Variants in SPATA31H1 observed in about 807,000 individuals in gnomAD.
SPATA31H1 encodes spermatogenesis-associated protein 31H1.
chr2:27,554,837 G>A, the SPATA31H1 span, among the ~76,000 whole-genome samples: 1 of 152,012 alleles, frequency 6.6e-6, no homozygotes, highest in Admixed American at 6.5e-5. Flanking sequence ...GCTTCCCAAA[G>A]TGCTGGGATT....
At chr2:27,566,280 T>C in the SPATA31H1 span, 4 of 717,142 alleles carry the variant, frequency 5.6e-6, no homozygotes, top group African/African-American at 1.7e-5. Context: ...CATACACTGT[T>C]GCATCCAGTG....
chr2:27,558,919 GAGGGGGAGGGAGAGGGAGAGGGA>G, the SPATA31H1 span, among the ~76,000 whole-genome samples: 1 of 93,988 alleles, frequency 1.1e-5, no homozygotes, highest in African/African-American at 4.5e-5. Context: ...GAGGGAGAGG[GAGGGGGAGGGAGAGGGAGAGGGA>G]GAGGGAGAGG....
the SPATA31H1 span, chr2:27,576,213 G>A: frequency 9.9e-6 from 4 of 405,308 alleles, 1 homozygote. Context: ...GTTGCATCCA[G>A]GGCCAGAGCT....
At chr2:27,542,200 C>G in the SPATA31H1 span, among the ~76,000 whole-genome samples, 1 of 151,990 alleles carries the variant, frequency 6.6e-6, no homozygotes, top group Admixed American at 6.5e-5. Context: ...AGTTCGAGAC[C>G]AGCCTGGCAA....
chr2:27,570,366 G>A, the SPATA31H1 span: 6 of 398,712 alleles, frequency 1.5e-5, no homozygotes, highest in Non-Finnish European at 2.7e-5. Flanking sequence ...AGTAAACCTA[G>A]GGCCATGGCA....
chr2:27,554,546 T>C, the SPATA31H1 span, among the ~76,000 whole-genome samples: 2 of 150,644 alleles, frequency 1.3e-5, no homozygotes, highest in South Asian at 4.2e-4. Context: ...GTGGAAAGAC[T>C]GAGAGATATC....
At chr2:27,580,774 T>TACC in the SPATA31H1 span, 4 of 1,614,168 alleles carry the variant, frequency 2.5e-6, no homozygotes, top group South Asian at 3.3e-5. Flanking sequence ...GACTATTGCT[T>TACC]ACCAAGCAGT....
chr2:27,580,246 C>G, the SPATA31H1 span: 15 of 1,614,194 alleles, frequency 9.3e-6, no homozygotes, highest in Non-Finnish European at 1.2e-5. Flanking sequence ...TCCCAGTCCC[C>G]TGCTCCTGTA....
chr2:27,574,578 A>G, the SPATA31H1 span: 1 of 398,512 alleles, frequency 2.5e-6, no homozygotes, highest in Non-Finnish European at 4.4e-6. Flanking sequence ...CTCAGGGACA[A>G]GGCTTCAAAG....
the SPATA31H1 span, chr2:27,581,056 C>T: frequency 8.7e-6 from 14 of 1,613,982 alleles, no homozygotes; most frequent in South Asian, 1.1e-4. Context: ...AGAAATGAAA[C>T]CTCCAGCCAG....
the SPATA31H1 span, chr2:27,572,174 G>C: frequency 7.5e-6 from 3 of 398,362 alleles, no homozygotes; most frequent in Non-Finnish European, 1.3e-5. Context: ...AAGCTAAAGA[G>C]TTCAAACATG....
chr2:27,563,824 G>A, the SPATA31H1 span, among the ~76,000 whole-genome samples: 1 of 152,020 alleles, frequency 6.6e-6, no homozygotes, highest in African/African-American at 2.4e-5. Flanking sequence ...GCCTCCCAAA[G>A]TGCTGGGATT....
the SPATA31H1 span, chr2:27,568,281 C>T: frequency 2.5e-6 from 1 of 398,844 alleles, no homozygotes; most frequent in Non-Finnish European, 4.4e-6. Flanking sequence ...AAGGCCACAA[C>T]ATGCAGTTAC....
chr2:27,567,937 T>C, the SPATA31H1 span: 17 of 398,828 alleles, frequency 4.3e-5, no homozygotes, highest in Non-Finnish European at 7.5e-5. Context: ...CCAAGTCAAG[T>C]TGTGAAACCA....
chr2:27,552,379 C>G, the SPATA31H1 span, among the ~76,000 whole-genome samples: 2 of 151,866 alleles, frequency 1.3e-5, no homozygotes, highest in African/African-American at 4.9e-5. Context: ...TCTTGTTACC[C>G]TTATAGAAAA....
the SPATA31H1 span, chr2:27,566,482 G>C: frequency 3.0e-6 from 2 of 664,150 alleles, no homozygotes; most frequent in Non-Finnish European, 5.5e-6. Context: ...AGGGAGAAGA[G>C]AGAGTTTGTT....
chr2:27,579,668 T>C, the SPATA31H1 span: 137 of 1,614,160 alleles, frequency 8.5e-5, no homozygotes, highest in East Asian at 3.0e-3. Context: ...AGTCAGAGTC[T>C]TCCCTCAGCA....
the SPATA31H1 span, chr2:27,576,028 T>G: frequency 5.0e-6 from 2 of 398,718 alleles, no homozygotes; most frequent in Non-Finnish European, 8.8e-6. Flanking sequence ...GGGTCAAAGC[T>G]TCTACGTGCA....
At chr2:27,561,699 T>C in the SPATA31H1 span, among the ~76,000 whole-genome samples, 1 of 152,124 alleles carries the variant, frequency 6.6e-6, no homozygotes, top group Admixed American at 6.6e-5. Context: ...GAGCCAGTTT[T>C]CCCATAACCA....
Sources: allele counts gnomAD v4.1 joint callset (sites outside exome capture counted in the v4.1 genomes callset), GRCh38; gene constraint gnomAD v4.1.1; transcripts MANE v1.5; gene names NCBI Gene and HGNC (gene_info 2026-07-23, HGNC 2026-07-21).